Variants in SDK1 observed in about 807,000 individuals in gnomAD.
SDK1 encodes the protein sidekick cell adhesion molecule 1, also known as protein sidekick-1.
SDK1 carries 157 observed loss-of-function variants against 245.5 expected under a neutral mutation model. That is an observed-to-expected ratio of 0.64 (90% CI 0.56 to 0.73). The LOEUF (loss-of-function observed/expected upper bound fraction) is 0.73, where lower values mean the gene tolerates loss of function less well. Ranked by LOEUF, SDK1 falls within the 30% of genes least tolerant of loss-of-function variation. SDK1 has a pLI of 0.00. For missense variants in SDK1, 3,583 were observed against 3,002.3 expected, an observed-to-expected ratio of 1.19 and a Z score of -4.52; for synonymous variants, 1,647 against 1,278.5, an observed-to-expected ratio of 1.29 and a Z score of -6.15.
intron 1 of SDK1, among the ~76,000 whole-genome samples, chr7:3,366,318 A>ATG (rs1450910505): frequency 6.6e-6 from 1 of 151,544 alleles, no homozygotes; most frequent in Non-Finnish European, 1.5e-5. Flanking sequence ...CTCATACACA[A>ATG]TGTAGTAGTC....
At chr7:3,812,991 C>G (rs970068658) in intron 4 of SDK1, among the ~76,000 whole-genome samples, 1 of 152,212 alleles carries the variant, frequency 6.6e-6, no homozygotes, top group African/African-American at 2.4e-5. Flanking sequence ...AAATGGTCAG[C>G]AGCAAGTGTT....
At chr7:3,999,131 C>T (rs1276330095) in intron 14 of SDK1, among the ~76,000 whole-genome samples, 1 of 152,192 alleles carries the variant, frequency 6.6e-6, no homozygotes, top group Non-Finnish European at 1.5e-5. Flanking sequence ...CCCAAACACA[C>T]ACACACACAC....
chr7:3,914,247 A>G (rs1312811550), intron 5 of SDK1, among the ~76,000 whole-genome samples: 1 of 152,160 alleles, frequency 6.6e-6, no homozygotes, highest in Non-Finnish European at 1.5e-5. Flanking sequence ...GTACTTGCCT[A>G]TTTTCATTCC....
intron 4 of SDK1, among the ~76,000 whole-genome samples, chr7:3,686,966 G>C (rs1784301038): frequency 6.6e-6 from 1 of 151,800 alleles, no homozygotes; most frequent in Non-Finnish European, 1.5e-5. Flanking sequence ...AAGTGGTTGG[G>C]ATGGGAACTT....
Position 3,951,733 on chromosome 7 carries a change from T to C in SDK1, c.963T>C (p.Pro321=), listed in dbSNP as rs1294618801. ...TTLECIASAR[P]VEDLSVTWKR... ...TGAATGCCTTTCATTCCCACAGGCC[T>C]GTGGAGGACCTGAGTGTGACCTGGA... is the stretch of plus-strand genomic sequence containing the variant. Residue 321 remains proline, a synonymous_variant, in exon 7 of 45, where the codon CCT becomes CCC. Coordinates refer to ENST00000404826, the MANE Select transcript of SDK1 (RefSeq NM_152744.4). 3 of 1,613,006 alleles carry C rather than the reference T, an allele frequency of 1.9e-6. No individual in the cohort carries two copies. The highest frequency in any genetic ancestry group is 1.7e-6 in the Non-Finnish European group (2 of 1,179,886).
intron 5 of SDK1, among the ~76,000 whole-genome samples, chr7:3,902,909 A>G (rs1038059884): frequency 1.3e-5 from 2 of 152,222 alleles, no homozygotes; most frequent in African/African-American, 4.8e-5. Context: ...CATAACACAT[A>G]AAGAATTTTT....
intron 30 of SDK1, among the ~76,000 whole-genome samples, chr7:4,154,900 T>A (rs956309113): frequency 6.6e-6 from 1 of 151,696 alleles, no homozygotes; most frequent in Non-Finnish European, 1.5e-5. Context: ...ATTTGTCCCT[T>A]TATCATGGAG....
At chr7:3,376,078 T>G (rs973526146) in intron 1 of SDK1, among the ~76,000 whole-genome samples, 1 of 152,144 alleles carries the variant, frequency 6.6e-6, no homozygotes, top group Non-Finnish European at 1.5e-5. Flanking sequence ...ATGCCTGCAA[T>G]CCTAGTGCTT....
At chr7:3,571,817 C>G (rs890467645) in intron 1 of SDK1, among the ~76,000 whole-genome samples, 3 of 151,974 alleles carry the variant, frequency 2.0e-5, no homozygotes, top group Admixed American at 6.6e-5. Context: ...GACGAAGTGT[C>G]TAGTGACCTG....
At chr7:4,023,770 A>G (rs1224935833) in intron 17 of SDK1, among the ~76,000 whole-genome samples, 1 of 152,188 alleles carries the variant, frequency 6.6e-6, no homozygotes, top group Non-Finnish European at 1.5e-5. Context: ...TTGGCTCACA[A>G]ATTCAGTTTT....
At chr7:3,475,205 C>G (rs1379449735) in intron 1 of SDK1, among the ~76,000 whole-genome samples, 3 of 152,192 alleles carry the variant, frequency 2.0e-5, no homozygotes, top group African/African-American at 4.8e-5. Flanking sequence ...TGAACTCTCC[C>G]TCCTGCTCTT....
chr7:3,697,708 C>T lies in SDK1; in HGVS notation c.713+55603C>T, dbSNP rs182676106. ...TTATAACTTACTCATTTCCTCTCCC[C>T]ACTTCACTCCTACAGTAGGTTTTGC... On this transcript the variant is annotated intron_variant, in intron 4 of 44. Coordinates refer to ENST00000404826, the MANE Select transcript of SDK1 (RefSeq NM_152744.4). 5.0e-3 allele frequency among the ~76,000 whole-genome samples: 756 copies of T among 152,260 alleles called. 8 individuals carry two copies. Among genetic ancestry groups the T allele is most frequent in the African/African-American group, 0.017 (712 of 41,554 alleles).
rs56731077 is a variant in SDK1, at chr7:4,139,707, G to A, written c.4229-6015G>A. ...TGTGTGTGTATGTGTGTGTGTGTAT[G>A]TGTGTGTGTGTGTATGTGTGTGTGT... On this transcript the variant is annotated intron_variant, in intron 28 of 44. Coordinates refer to ENST00000404826, the MANE Select transcript of SDK1 (RefSeq NM_152744.4). Among the ~76,000 whole-genome samples the A allele has an allele frequency of 5.8e-3, 46 of 7,946 alleles. 5 individuals carry two copies. The highest frequency in any genetic ancestry group is 0.056 in the African/African-American group (37 of 660). 5.2% of individuals were successfully genotyped at this position (7,946 alleles called of 152,430 possible).
At chr7:3,871,757 G>A (rs776202130) in intron 5 of SDK1, among the ~76,000 whole-genome samples, 1 of 152,112 alleles carries the variant, frequency 6.6e-6, no homozygotes, top group African/African-American at 2.4e-5. Flanking sequence ...CTGCCCCCAT[G>A]ACCCCAACGC....
At chr7:3,594,595 A>G (rs1424297484) in intron 1 of SDK1, among the ~76,000 whole-genome samples, 1 of 152,118 alleles carries the variant, frequency 6.6e-6, no homozygotes, top group Admixed American at 6.6e-5. Context: ...ATCCTTGCCA[A>G]CACTTGTAAT....
At chr7:3,829,101 T>C (rs1779852231) in intron 5 of SDK1, among the ~76,000 whole-genome samples, 1 of 152,248 alleles carries the variant, frequency 6.6e-6, no homozygotes, top group African/African-American at 2.4e-5. Context: ...TTTGAATACA[T>C]ATAGATGCGC....
rs144579392 is a variant in SDK1, at chr7:3,991,290, A to G, written c.2131+3968A>G. 3.7e-4 allele frequency among the ~76,000 whole-genome samples: 56 copies of G among 152,232 alleles called. 2 individuals are homozygous for G. In the East Asian group the frequency reaches 0.01, roughly 28 times the overall value. On this transcript the variant is annotated intron_variant, in intron 14 of 44. Transcript: ENST00000404826. ...GGCTGGGGCGTTGCTGGCGGCGTGT[A>G]TTGGTGTTACCTGGGAAAGTTCTTC...
intron 1 of SDK1, among the ~76,000 whole-genome samples, chr7:3,365,728 A>C (rs561320098): frequency 1.3e-5 from 2 of 152,284 alleles, no homozygotes; most frequent in African/African-American, 4.8e-5. Flanking sequence ...TGACTTTAGA[A>C]GTCTCTTCAA....
intron 5 of SDK1, among the ~76,000 whole-genome samples, chr7:3,909,808 C>G (rs1277946042): frequency 6.6e-6 from 1 of 152,172 alleles, no homozygotes; most frequent in African/African-American, 2.4e-5. Flanking sequence ...TTGCCTAAAG[C>G]GAGGCACCTC....
Sources: gnomAD v4.1 joint callset for allele counts (sites outside exome capture counted in the v4.1 genomes callset) on GRCh38, gnomAD v4.1.1 for gene constraint, MANE v1.5 for transcripts, NCBI Gene and HGNC (gene_info 2026-07-23, HGNC 2026-07-21) for gene names.